Variants in OTOGL observed in about 807,000 individuals in gnomAD.
OTOGL encodes the protein otogelin-like protein.
Under a neutral mutation model 318.5 loss-of-function variants are expected in OTOGL, and 285 were observed. That is an observed-to-expected ratio of 0.89 (90% CI 0.81 to 0.99). The LOEUF (loss-of-function observed/expected upper bound fraction) is 0.99. Ranked by LOEUF, OTOGL falls within the 50% of genes least tolerant of loss-of-function variation. The pLI is 0.00. For missense variants in OTOGL, 2,899 were observed against 2,845.6 expected (o/e 1.02, Z -0.43); for synonymous variants, 987 against 936.5 (o/e 1.05, Z -0.99).
intron 52 of OTOGL, among the ~76,000 whole-genome samples, chr12:80,361,721 C>A (rs1032435570): frequency 2.0e-5 from 3 of 152,090 alleles, no homozygotes; most frequent in African/African-American, 7.2e-5. Context: ...TTGCATTTCC[C>A]TGATTACTAA....
intron 1 of OTOGL, among the ~76,000 whole-genome samples, chr12:80,203,986 G>C (rs888650292): frequency 5.9e-5 from 9 of 152,190 alleles, no homozygotes; most frequent in Admixed American, 1.3e-4. Context: ...CTTGTTAGAA[G>C]AGAAGACTGA....
intron 1 of OTOGL, among the ~76,000 whole-genome samples, chr12:80,168,173 T>A (rs1211000876): frequency 6.6e-6 from 1 of 152,092 alleles, no homozygotes; most frequent in African/African-American, 2.4e-5. Context: ...TCCAGGCTGG[T>A]CTTGAACTCC....
chr12:80,219,310 C>T (rs1878056227), intron 5 of OTOGL, among the ~76,000 whole-genome samples: 1 of 152,180 alleles, frequency 6.6e-6, no homozygotes, highest in Non-Finnish European at 1.5e-5. Flanking sequence ...TGGAGTTTCA[C>T]CACGTTGGCC....
At chr12:80,141,331 T>A (rs1277392707) in intron 1 of OTOGL, among the ~76,000 whole-genome samples, 1 of 152,200 alleles carries the variant, frequency 6.6e-6, no homozygotes, top group African/African-American at 2.4e-5. Context: ...TTTTCTCTCC[T>A]AATTGAAAGG....
chr12:80,149,653 G>A (rs1484168837), intron 1 of OTOGL, among the ~76,000 whole-genome samples: 5 of 152,148 alleles, frequency 3.3e-5, no homozygotes, highest in African/African-American at 7.2e-5. Context: ...AATGGCGGGC[G>A]CCCCTCCCCC....
intron 1 of OTOGL, among the ~76,000 whole-genome samples, chr12:80,126,567 A>G (rs903762402): frequency 2.0e-5 from 3 of 152,206 alleles, no homozygotes; most frequent in African/African-American, 7.2e-5. Context: ...CGCTTGGTGC[A>G]GAGCTGAGTT....
chr12:80,299,211 G>A (rs1463290848), intron 27 of OTOGL, among the ~76,000 whole-genome samples: 1 of 152,148 alleles, frequency 6.6e-6, no homozygotes, highest in African/African-American at 2.4e-5. Context: ...CAACCTTTGG[G>A]CAAAACAGAG....
chr12:80,192,877 C>A (rs1055844255), intron 1 of OTOGL, among the ~76,000 whole-genome samples: 1 of 151,276 alleles, frequency 6.6e-6, no homozygotes, highest in Non-Finnish European at 1.5e-5. Context: ...TAGTATGTAC[C>A]CAAATATTTC....
chr12:80,106,536 T>C (rs926406997), intron 1 of OTOGL, among the ~76,000 whole-genome samples: 1 of 152,208 alleles, frequency 6.6e-6, no homozygotes, highest in African/African-American at 2.4e-5. Flanking sequence ...CCTAAACTGA[T>C]TATTAGATTT....
At chr12:80,343,546 T>C (rs1170110080) in intron 44 of OTOGL, 1 of 145,956 alleles carries the variant, frequency 6.9e-6, no homozygotes, top group African/African-American at 2.5e-5. Flanking sequence ...TAACTTTCTT[T>C]TCCTGAATAT....
intron 1 of OTOGL, among the ~76,000 whole-genome samples, chr12:80,201,063 G>A (rs115342212): frequency 6.6e-6 from 1 of 152,096 alleles, no homozygotes; most frequent in Non-Finnish European, 1.5e-5. Context: ...ACAACCCTGT[G>A]GCACCTCCCA....
intron 28 of OTOGL, 26 bp downstream of exon 28, chr12:80,302,809 G>T: frequency 7.1e-7 from 1 of 1,417,194 alleles, no homozygotes; most frequent in Non-Finnish European, 9.3e-7. Context: ...CTCCAAATGA[G>T]ATGTAATGAA....
intron 9 of OTOGL, among the ~76,000 whole-genome samples, chr12:80,237,447 C>T (rs1879967314): frequency 6.6e-6 from 1 of 151,994 alleles, no homozygotes; most frequent in Non-Finnish European, 1.5e-5. Flanking sequence ...CTGAGGCATA[C>T]ATTAAACAGG....
chr12:80,220,736 T>C (rs146280573), intron 6 of OTOGL, among the ~76,000 whole-genome samples: 2 of 151,748 alleles, frequency 1.3e-5, no homozygotes, highest in African/African-American at 2.4e-5. Context: ...AGGCTAGGCA[T>C]TGGGGATGCA....
chr12:80,344,852 G>A (rs184377191), intron 44 of OTOGL, among the ~76,000 whole-genome samples: 68 of 151,022 alleles, frequency 4.5e-4, no homozygotes, highest in Admixed American at 3.4e-3. Flanking sequence ...TTCTTAGGCT[G>A]TTCAATGATG....
At chr12:80,288,642 T>C (rs187125510) in intron 26 of OTOGL, among the ~76,000 whole-genome samples, 9 of 152,122 alleles carry the variant, frequency 5.9e-5, no homozygotes, top group Non-Finnish European at 1.3e-4. Flanking sequence ...TTTCATTAAG[T>C]TGATAATCAG....
rs1555268621 is a variant in OTOGL at position 80,108,936 on chromosome 12, G to GTGTGTA, written c.-20+9332_-20+9333insGTGTAT. ...TATATGTGTATATATATATGTGTGT[G>GTGTGTA]TATATATATATATATATACACACAC... On this transcript the variant is annotated intron_variant, in intron 1 of 58. Transcript: ENST00000547103. Among the ~76,000 whole-genome samples, 6 of 128,244 alleles carry GTGTGTA rather than the reference G, an allele frequency of 4.7e-5. 1 individual carries two copies. Among genetic ancestry groups the GTGTGTA allele is most frequent in the African/African-American group, 1.6e-4 (5 of 31,238 alleles). 84.1% of individuals were successfully genotyped at this position (128,244 alleles called of 152,430 possible).
chr12:80,259,924 C>T (rs558148754), intron 18 of OTOGL, among the ~76,000 whole-genome samples: 3 of 152,022 alleles, frequency 2.0e-5, no homozygotes, highest in Non-Finnish European at 2.9e-5. Context: ...ATTGTTCACC[C>T]CAATTCAGAC....
intron 15 of OTOGL, 116 bp from the exon 16 acceptor site, chr12:80,254,924 T>C (rs1260347148): frequency 1.4e-5 from 13 of 902,510 alleles, no homozygotes; most frequent in Non-Finnish European, 2.0e-5. Flanking sequence ...TGCATGATTA[T>C]TTACCCTAAG....
Sources: gnomAD v4.1 joint callset for allele counts (sites outside exome capture counted in the v4.1 genomes callset) on GRCh38, gnomAD v4.1.1 for gene constraint, MANE v1.5 for transcripts, NCBI Gene and HGNC (gene_info 2026-07-23, HGNC 2026-07-21) for gene names.